The following GRM7 variants were observed in gnomAD, a reference collection of about 807,000 sequenced individuals.
The protein encoded by GRM7 is glutamate metabotropic receptor 7, also known as metabotropic glutamate receptor 7.
A neutral mutation model predicts 84.5 loss-of-function variants in GRM7; 35 were observed. The ratio of observed to expected loss-of-function variants is 0.41; its 90% confidence interval spans 0.32 to 0.55. The LOEUF is 0.55. Ranked by LOEUF, GRM7 falls within the 20% of genes least tolerant of loss-of-function variation. The pLI is 0.19. For synonymous variants in GRM7, 487 were observed against 455.1 expected (o/e 1.07, Z -0.89); for missense variants, 1,003 against 1,194.6 (o/e 0.84, Z 2.36).
intron 5 of GRM7, among the ~76,000 whole-genome samples, chr3:7,448,945 G>T (rs573503034): frequency 1.5e-4 from 23 of 151,756 alleles, no homozygotes; most frequent in East Asian, 9.7e-4. Flanking sequence ...AAATGCCTCC[G>T]AGATTGCCTT....
chr3:7,494,486 T>C (rs372649220), intron 7 of GRM7, among the ~76,000 whole-genome samples: 3 of 152,318 alleles, frequency 2.0e-5, no homozygotes, highest in East Asian at 1.9e-4. Flanking sequence ...CTTTAGCCTA[T>C]AGGTTTGTGT....
chr3:7,160,985 A>C (rs909901429), intron 2 of GRM7, among the ~76,000 whole-genome samples: 2 of 152,174 alleles, frequency 1.3e-5, no homozygotes, highest in African/African-American at 4.8e-5. Context: ...GAATGAACTA[A>C]ATCAGTCTTT....
chr3:6,970,688 C>A (rs1206299091), intron 1 of GRM7, among the ~76,000 whole-genome samples: 2 of 151,946 alleles, frequency 1.3e-5, no homozygotes, highest in Non-Finnish European at 2.9e-5. Context: ...TACAAAAAAA[C>A]CAAGAGAGAG....
At chr3:7,722,941 T>C (rs904601690) in intron 9 of GRM7, among the ~76,000 whole-genome samples, 2 of 152,130 alleles carry the variant, frequency 1.3e-5, no homozygotes, top group Admixed American at 1.3e-4. Context: ...TCCAGAAAAG[T>C]TGTGAAGCAT....
chr3:7,011,456 C>T (rs1002009667), intron 1 of GRM7, among the ~76,000 whole-genome samples: 3 of 152,100 alleles, frequency 2.0e-5, no homozygotes, highest in Non-Finnish European at 2.9e-5. Context: ...TTTAAATGAG[C>T]ATTTTATGCC....
chr3:7,379,775 T>C (rs962204521), intron 4 of GRM7, among the ~76,000 whole-genome samples: 2 of 152,202 alleles, frequency 1.3e-5, no homozygotes, highest in Non-Finnish European at 2.9e-5. Context: ...TGTAGGAATA[T>C]GATGTTGTCC....
rs562103008 is a variant in GRM7 at position 6,931,719 on chromosome 3, G to A, written c.519+69812G>A. On this transcript the variant is annotated intron_variant, in intron 1 of 9. Coordinates refer to ENST00000357716, the MANE Select transcript of GRM7 (RefSeq NM_000844.4). The stretch of plus-strand genomic sequence containing the variant: ...ATTATTCCTTGATATGTTTATTTGT[G>A]TATTTATTACCCCCTGCACCAAATG... Among the ~76,000 whole-genome samples, 13 of 152,288 alleles carry A rather than the reference G, an allele frequency of 8.5e-5. No homozygotes were observed. In the South Asian group the frequency reaches 2.3e-3, roughly 27 times the overall value.
chr3:7,474,055 T>C (rs919960316), intron 7 of GRM7, among the ~76,000 whole-genome samples: 3 of 152,140 alleles, frequency 2.0e-5, no homozygotes, highest in East Asian at 1.9e-4. Context: ...TTCTACAGAG[T>C]TCTCTGACAC....
intron 7 of GRM7, among the ~76,000 whole-genome samples, chr3:7,547,755 AG>A (rs1693237012): frequency 6.6e-6 from 1 of 152,220 alleles, no homozygotes; most frequent in Non-Finnish European, 1.5e-5. Flanking sequence ...CATGTACAAA[AG>A]GAAAAAATAG....
chr3:7,162,729 A>ATTTTTTTTTTTTTT lies in GRM7; in HGVS notation c.736+16096_736+16109dup, dbSNP rs71063284. On this transcript the variant is annotated intron_variant, in intron 2 of 9. Coordinates refer to ENST00000357716, the MANE Select transcript of GRM7 (RefSeq NM_000844.4). ...CAATCTCCCATTACTCCCATTTTTC[A>ATTTTTTTTTTTTTT]TTTTTTTTTTTTTTTTTTTTTTTTT... Among the ~76,000 whole-genome samples the ATTTTTTTTTTTTTT allele has an allele frequency of 3.7e-4, 20 of 54,714 alleles. 3 individuals are homozygous for ATTTTTTTTTTTTTT. The highest frequency in any genetic ancestry group is 5.8e-4 in the Non-Finnish European group (15 of 25,684). 35.9% of individuals were successfully genotyped at this position (54,714 alleles called of 152,430 possible).
chr3:7,069,633 G>A (rs1308582690), intron 1 of GRM7, among the ~76,000 whole-genome samples: 1 of 152,068 alleles, frequency 6.6e-6, no homozygotes, highest in African/African-American at 2.4e-5. Context: ...GTGTTCATTG[G>A]CTTGGATCAT....
chr3:7,325,066 G>T (rs1035598287), intron 4 of GRM7, among the ~76,000 whole-genome samples: 1 of 152,126 alleles, frequency 6.6e-6, no homozygotes, highest in Non-Finnish European at 1.5e-5. Context: ...AAGAGACAGA[G>T]CCTCATTGCC....
At chr3:7,602,377 T>A (rs2125071706) in intron 8 of GRM7, among the ~76,000 whole-genome samples, 1 of 152,290 alleles carries the variant, frequency 6.6e-6, no homozygotes, top group South Asian at 2.1e-4. Context: ...TCTTTTCTGT[T>A]TTCTCATGTT....
At chr3:7,395,475 G>A (rs1695173888) in intron 4 of GRM7, among the ~76,000 whole-genome samples, 1 of 152,100 alleles carries the variant, frequency 6.6e-6, no homozygotes, top group Non-Finnish European at 1.5e-5. Context: ...AATTTCTATT[G>A]TTATATAATA....
intron 8 of GRM7, among the ~76,000 whole-genome samples, chr3:7,580,641 T>G (rs1162361875): frequency 6.6e-6 from 1 of 152,180 alleles, no homozygotes; most frequent in Non-Finnish European, 1.5e-5. Context: ...AAAGTAAATA[T>G]TTCATGAAAC....
intron 4 of GRM7, among the ~76,000 whole-genome samples, chr3:7,308,729 T>G (rs1391009665): frequency 2.0e-5 from 3 of 152,064 alleles, no homozygotes; most frequent in Non-Finnish European, 2.9e-5. Flanking sequence ...TGGGTGAGAT[T>G]CAAGGAAAAC....
At chr3:7,241,004 T>C (rs769683051) in intron 2 of GRM7, among the ~76,000 whole-genome samples, 3 of 152,148 alleles carry the variant, frequency 2.0e-5, no homozygotes, top group African/African-American at 2.4e-5. Flanking sequence ...GACGATGCCA[T>C]CTAGGATTGT....
intron 2 of GRM7, among the ~76,000 whole-genome samples, chr3:7,260,858 G>A (rs565431117): frequency 6.6e-6 from 1 of 152,164 alleles, no homozygotes; most frequent in African/African-American, 2.4e-5. Flanking sequence ...GGTGTTTAAT[G>A]CTGTAAATTT....
intron 1 of GRM7, among the ~76,000 whole-genome samples, chr3:7,061,937 A>C (rs1697446296): frequency 6.6e-6 from 1 of 151,702 alleles, no homozygotes; most frequent in South Asian, 2.1e-4. Flanking sequence ...CTTCTTATCT[A>C]ATCAACATGA....
Sources: gnomAD v4.1 joint callset for allele counts (sites outside exome capture counted in the v4.1 genomes callset) on GRCh38, gnomAD v4.1.1 for gene constraint, MANE v1.5 for transcripts, NCBI Gene and HGNC (gene_info 2026-07-23, HGNC 2026-07-21) for gene names.